The following ITGA1 variants were observed in gnomAD, a reference collection of about 807,000 sequenced individuals.
ITGA1 encodes the protein integrin alpha-1.
ITGA1 carries 85 observed loss-of-function variants against 145.9 expected under a neutral mutation model. The ratio of observed to expected loss-of-function variants is 0.58; its 90% confidence interval spans 0.49 to 0.70. The LOEUF is 0.70. Ranked by LOEUF, ITGA1 falls within the 30% of genes least tolerant of loss-of-function variation. ITGA1 has a pLI of 0.00. For synonymous variants in ITGA1, 520 were observed against 495.3 expected (o/e 1.05, Z -0.66); for missense variants, 1,351 against 1,418.7 (o/e 0.95, Z 0.77).
At chr5:52,809,608 A>C (rs1748653049) in intron 1 of ITGA1, among the ~76,000 whole-genome samples, 2 of 150,154 alleles carry the variant, frequency 1.3e-5, no homozygotes, top group African/African-American at 2.5e-5. Flanking sequence ...GGGTTCAAGC[A>C]ATTCTCGTGC....
chr5:52,890,145 T>A (rs1365827393), intron 8 of ITGA1, among the ~76,000 whole-genome samples: 2 of 152,162 alleles, frequency 1.3e-5, no homozygotes, highest in East Asian at 3.8e-4. Context: ...TAACTACATC[T>A]GAGCACATTT....
At position 52,860,478 on chromosome 5, in the gene ITGA1, G is replaced by A. The variant is rs147694152; in HGVS notation, c.183-969G>A. Among the ~76,000 whole-genome samples the A allele has an allele frequency of 4.1e-3, 627 of 152,306 alleles. 4 individuals are homozygous for A. The highest frequency in any genetic ancestry group is 0.014 in the African/African-American group (589 of 41,578). ...GGAGAATCGCTTGGACCCAGGAGGC[G>A]GAGGTTGCAGTGGGCCAAGGTCATG... On this transcript the variant is annotated intron_variant, in intron 2 of 28. Coordinates refer to ENST00000282588, the MANE Select transcript of ITGA1 (RefSeq NM_181501.2).
intron 6 of ITGA1, among the ~76,000 whole-genome samples, chr5:52,869,564 A>G (rs1473114538): frequency 6.6e-6 from 1 of 152,194 alleles, no homozygotes; most frequent in Non-Finnish European, 1.5e-5. Context: ...TGTTTGCTGC[A>G]TACTGTAGAT....
chr5:52,915,573 T>C lies in ITGA1; in HGVS notation c.1967T>C (p.Leu656Pro). The C allele has an allele frequency of 6.2e-7, 1 of 1,614,032 alleles. No homozygotes were observed. Among genetic ancestry groups the C allele is most frequent in the Non-Finnish European group, 8.5e-7 (1 of 1,179,972 alleles). ...CTGACAGATGTGACTATTGGGGGCCTTGGTGGTGCTGCCCTCTTCTGGTAT... is the reference window on the plus strand; with the variant it reads ...CTGACAGATGTGACTATTGGGGGCCCTGGTGGTGCTGCCCTCTTCTGGTAT... Reference protein sequence around the residue: ...DGLTDVTIGGLGGAALFWSRD... With the variant: ...DGLTDVTIGGPGGAALFWSRD... The change falls in exon 15 of 29, where the codon CTT becomes CCT. Residue 656 changes from leucine (L) to proline (P), a missense_variant. Coordinates refer to ENST00000282588, the MANE Select transcript of ITGA1 (RefSeq NM_181501.2).
At chr5:52,788,924 T>C (rs978405847) in intron 1 of ITGA1, among the ~76,000 whole-genome samples, 1 of 152,180 alleles carries the variant, frequency 6.6e-6, no homozygotes, top group Non-Finnish European at 1.5e-5. Context: ...AAGACGAAAC[T>C]GCCACTTGTT....
chr5:52,905,600 A>G, intron 11 of ITGA1, 163 bp from the exon 12 acceptor site: 1 of 504,300 alleles, frequency 2.0e-6, no homozygotes, highest in South Asian at 4.8e-5. Context: ...GCATATTAAA[A>G]GCTTCCACCA....
intron 8 of ITGA1, among the ~76,000 whole-genome samples, chr5:52,892,599 C>G (rs539567290): frequency 1.3e-5 from 2 of 152,232 alleles, no homozygotes; most frequent in Admixed American, 1.3e-4. Context: ...GCAAACAACT[C>G]AAATGTTCTC....
At chr5:52,918,510 T>A (rs1750682617) in intron 15 of ITGA1, among the ~76,000 whole-genome samples, 1 of 152,180 alleles carries the variant, frequency 6.6e-6, no homozygotes, top group Non-Finnish European at 1.5e-5. Flanking sequence ...ATCTTTGGTG[T>A]TTGAACCAAA....
chr5:52,910,545 ATTCTCT>A (rs1182904508), intron 14 of ITGA1, 126 bp downstream of exon 14: 37 of 1,006,308 alleles, frequency 3.7e-5, no homozygotes, highest in Admixed American at 2.6e-4. Flanking sequence ...ACTGGATTTA[ATTCTCT>A]TTAAGTGTTT....
At chr5:52,835,707 A>G (rs1253185467) in intron 1 of ITGA1, among the ~76,000 whole-genome samples, 1 of 152,198 alleles carries the variant, frequency 6.6e-6, no homozygotes, top group African/African-American at 2.4e-5. Flanking sequence ...ATTAGTTATT[A>G]GATTCCATTG....
At chr5:52,882,744 T>C (rs1171025841) in intron 7 of ITGA1, 1 of 152,202 alleles carries the variant, frequency 6.6e-6, no homozygotes, top group Admixed American at 6.5e-5. Flanking sequence ...TGTGTTCTCT[T>C]ATCTCATTCA....
intron 28 of ITGA1, among the ~76,000 whole-genome samples, chr5:52,949,752 A>G (rs1049251038): frequency 2.6e-5 from 4 of 152,188 alleles, no homozygotes; most frequent in Non-Finnish European, 5.9e-5. Flanking sequence ...CCATTATATC[A>G]AGAAGGCTAA....
intron 21 of ITGA1, 125 bp downstream of exon 21, chr5:52,929,826 G>T (rs1750869269): frequency 1.2e-5 from 6 of 515,736 alleles, no homozygotes; most frequent in Non-Finnish European, 2.1e-5. Context: ...AGTAGAAGTG[G>T]AAGGCAATTA....
At chr5:52,894,617 C>G (rs908056594) in intron 9 of ITGA1, among the ~76,000 whole-genome samples, 2 of 152,162 alleles carry the variant, frequency 1.3e-5, no homozygotes, top group African/African-American at 4.8e-5. Context: ...GAACATGCGC[C>G]TTTTCTCCAA....
At chr5:52,841,753 A>C (rs375168201) in intron 1 of ITGA1, among the ~76,000 whole-genome samples, 6 of 152,328 alleles carry the variant, frequency 3.9e-5, no homozygotes, top group African/African-American at 1.2e-4. Flanking sequence ...AATATATTTC[A>C]TCTGAATTTA....
chr5:52,954,491 C>T lies in ITGA1; in HGVS notation c.*2040C>T, dbSNP rs1201672077. 1 of 152,180 alleles carries T rather than the reference C, an allele frequency of 6.6e-6. No homozygotes were observed. The highest frequency in any genetic ancestry group is 6.5e-5 in the Admixed American group (1 of 15,272). 9.4% of individuals were successfully genotyped at this position (152,180 alleles called of 1,614,324 possible). A position where few individuals can be genotyped will look rare whatever the true frequency, so the allele number is the denominator to read the frequency against. ...AAGTTTTTAGAAAAGAGAGGAAGAG[C>T]TGTTGGCCAGATCAAAGAGATACTT... On this transcript the variant is annotated 3_prime_UTR_variant, in exon 29 of 29. Transcript: ENST00000282588.
intron 1 of ITGA1, among the ~76,000 whole-genome samples, chr5:52,828,655 G>A (rs997238583): frequency 6.6e-6 from 1 of 152,130 alleles, no homozygotes; most frequent in African/African-American, 2.4e-5. Context: ...TCTCAAAAAT[G>A]AGCATGTGTT....
chr5:52,827,271 A>C (rs1748984928), intron 1 of ITGA1, among the ~76,000 whole-genome samples: 1 of 152,146 alleles, frequency 6.6e-6, no homozygotes, highest in African/African-American at 2.4e-5. Flanking sequence ...ATAGAGCCTG[A>C]AAATGTGACT....
chr5:52,907,825 T>C (rs1425409450), intron 12 of ITGA1, among the ~76,000 whole-genome samples: 1 of 152,154 alleles, frequency 6.6e-6, no homozygotes, highest in Non-Finnish European at 1.5e-5. Flanking sequence ...AGCCCAGAGT[T>C]GCAAGATCTT....
Sources: allele counts gnomAD v4.1 joint callset (sites outside exome capture counted in the v4.1 genomes callset), GRCh38; gene constraint gnomAD v4.1.1; transcripts MANE v1.5; gene names NCBI Gene and HGNC (gene_info 2026-07-23, HGNC 2026-07-21).